Variants in HMGN5 observed in about 807,000 individuals in gnomAD.
HMGN5 encodes high mobility group nucleosome-binding domain-containing protein 5.
HMGN5 carries 4 observed loss-of-function variants against 9.5 expected under a neutral mutation model. The observed-to-expected ratio is 0.42, with a 90% CI of 0.21 to 0.96. The LOEUF is 0.96. HMGN5 is among the 40% of genes least tolerant of loss of function. HMGN5 has a pLI of 0.30. For missense variants in HMGN5, 192 were observed against 187.5 expected, an observed-to-expected ratio of 1.02 and a Z score of -0.14; for synonymous variants, 55 against 57.1, an observed-to-expected ratio of 0.96 and a Z score of 0.16.
At chrX:81,200,355 C>A (rs751936752) in intron 1 of HMGN5, among the ~76,000 whole-genome samples, 6 of 112,197 alleles carry the variant, frequency 5.3e-5, no homozygotes, top group African/African-American at 1.9e-4. Context: ...AATCTCATTA[C>A]TGAGCATATA....
intron 1 of HMGN5, among the ~76,000 whole-genome samples, chrX:81,171,040 C>G (rs2075424648): frequency 1.8e-5 from 2 of 111,355 alleles, no homozygotes; most frequent in Non-Finnish European, 3.8e-5. Context: ...TTTTGAGAGA[C>G]TGAAATGAGT....
In HMGN5 at chrX:81,170,824, A is replaced by G. The variant is rs147514460; in HGVS notation, c.-124+30913T>C. Among the ~76,000 whole-genome samples the G allele has an allele frequency of 4.3e-3, 477 of 110,988 alleles. 2 individuals carry two copies. Among genetic ancestry groups the G allele is most frequent in the African/African-American group, 0.015 (452 of 30,539 alleles). On this transcript the variant is annotated intron_variant, in intron 1 of 6. Coordinates refer to ENST00000358130, the MANE Select transcript of HMGN5 (RefSeq NM_030763.3). ...ACTATGTGCCAGATGCTTCCTTTAA[A>G]CTATCTCACTCAATCCTTCCAGCAA...
intron 1 of HMGN5, among the ~76,000 whole-genome samples, chrX:81,124,626 C>A (rs1439067701): frequency 4.5e-5 from 5 of 112,285 alleles, no homozygotes; most frequent in Non-Finnish European, 9.4e-5. Flanking sequence ...CAGCACATCA[C>A]ACTCTACATA....
At chrX:81,144,165 C>T (rs1424470529) in intron 1 of HMGN5, among the ~76,000 whole-genome samples, 3 of 111,531 alleles carry the variant, frequency 2.7e-5, no homozygotes, top group Admixed American at 9.5e-5. Context: ...GACAGGCTGC[C>T]TCCTCAGGTG....
chrX:81,123,968 C>T (rs1602557238), intron 1 of HMGN5, among the ~76,000 whole-genome samples: 1 of 111,781 alleles, frequency 8.9e-6, no homozygotes, highest in Non-Finnish European at 1.9e-5. Flanking sequence ...TGTACTTGTT[C>T]AGGGAACATA....
chrX:81,166,503 A>G (rs1225430020), intron 1 of HMGN5, among the ~76,000 whole-genome samples: 2 of 111,884 alleles, frequency 1.8e-5, no homozygotes, highest in Non-Finnish European at 3.8e-5. Context: ...AACATGAATC[A>G]CCAGATTCTA....
At chrX:81,154,789 A>C (rs1018036889) in intron 1 of HMGN5, among the ~76,000 whole-genome samples, 1 of 110,785 alleles carries the variant, frequency 9.0e-6, no homozygotes, top group Non-Finnish European at 1.9e-5. Context: ...ATTGATTATC[A>C]GAGAAATTCA....
intron 1 of HMGN5, among the ~76,000 whole-genome samples, chrX:81,188,118 A>G (rs1602583056): frequency 9.2e-6 from 1 of 108,299 alleles, no homozygotes; most frequent in East Asian, 2.9e-4. Context: ...TCCTTTTTTG[A>G]GACAGAGTCT....
intron 1 of HMGN5, among the ~76,000 whole-genome samples, chrX:81,126,406 T>A (rs2075283680): frequency 9.0e-6 from 1 of 111,285 alleles, no homozygotes; most frequent in African/African-American, 3.3e-5. Flanking sequence ...AAACTTGTAT[T>A]CTCTAGTCAG....
intron 1 of HMGN5, among the ~76,000 whole-genome samples, chrX:81,176,439 T>G: frequency 9.0e-6 from 1 of 111,237 alleles, no homozygotes; most frequent in South Asian, 3.9e-4. Context: ...GAATGACTGA[T>G]GAGTTGACAG....
At chrX:81,137,716 T>C (rs1027333756) in intron 1 of HMGN5, among the ~76,000 whole-genome samples, 1 of 111,346 alleles carries the variant, frequency 9.0e-6, no homozygotes, top group African/African-American at 3.3e-5. Context: ...GAGAAATCAA[T>C]GAAGTCGAAA....
chrX:81,116,065 C>G (rs747097855), intron 6 of HMGN5, 139 bp downstream of exon 6: 76 of 411,075 alleles, frequency 1.8e-4, no homozygotes, highest in African/African-American at 1.8e-3. Flanking sequence ...TTATTTTCCT[C>G]TTAGATACCA....
intron 1 of HMGN5, among the ~76,000 whole-genome samples, chrX:81,144,177 G>C (rs1186985459): frequency 3.6e-5 from 4 of 111,345 alleles, no homozygotes; most frequent in Non-Finnish European, 7.5e-5. Context: ...CCTCAGGTGG[G>C]TCCCTAACCC....
At chrX:81,116,135 T>G (rs771039019) in intron 6 of HMGN5, 69 bp downstream of exon 6, 44 of 833,101 alleles carry the variant, frequency 5.3e-5, no homozygotes, top group Admixed American at 2.4e-4. Flanking sequence ...AAAAGGCAAA[T>G]AGGATTTCTT....
At chrX:81,167,124 C>T (rs777117107) in intron 1 of HMGN5, among the ~76,000 whole-genome samples, 10 of 111,009 alleles carry the variant, frequency 9.0e-5, no homozygotes, top group Admixed American at 1.9e-4. Context: ...GTTCCACTTA[C>T]GGGAAATAGA....
chrX:81,192,148 T>A (rs1428289092), intron 1 of HMGN5, among the ~76,000 whole-genome samples: 1 of 111,487 alleles, frequency 9.0e-6, no homozygotes, highest in African/African-American at 3.3e-5. Flanking sequence ...AACTTGGTCA[T>A]AAAGTACTAT....
chrX:81,148,633 G>A (rs1056629739), intron 1 of HMGN5, among the ~76,000 whole-genome samples: 2 of 111,680 alleles, frequency 1.8e-5, no homozygotes, highest in African/African-American at 3.3e-5. Flanking sequence ...TGACAAATGG[G>A]ATCTAATTAA....
At chrX:81,200,700 C>T (rs1378797479) in intron 1 of HMGN5, among the ~76,000 whole-genome samples, 1 of 110,980 alleles carries the variant, frequency 9.0e-6, no homozygotes, top group Non-Finnish European at 1.9e-5. Context: ...CACCCCGGGG[C>T]CAGTCGGGGG....
At chrX:81,176,427 G>A (rs766354357) in intron 1 of HMGN5, among the ~76,000 whole-genome samples, 1 of 111,606 alleles carries the variant, frequency 9.0e-6, no homozygotes, top group South Asian at 3.8e-4. Context: ...AAGCTGGACG[G>A]AGAATGACTG....
Sources: allele counts gnomAD v4.1 joint callset (sites outside exome capture counted in the v4.1 genomes callset), GRCh38; gene constraint gnomAD v4.1.1; transcripts MANE v1.5; gene names NCBI Gene and HGNC (gene_info 2026-07-23, HGNC 2026-07-21).